The following ZCCHC24 variants were observed in gnomAD, a reference collection of about 807,000 sequenced individuals.
ZCCHC24 encodes the protein zinc finger CCHC-type containing 24, also known as zinc finger CCHC domain-containing protein 24.
Under a neutral mutation model 26.2 loss-of-function variants are expected in ZCCHC24, and 10 were observed. The observed-to-expected ratio is 0.38, with a 90% CI of 0.24 to 0.65. ZCCHC24 has a LOEUF of 0.65. Ranked by LOEUF, ZCCHC24 falls within the 30% of genes least tolerant of loss-of-function variation. The probability of loss-of-function intolerance (pLI) is 0.54; values close to 1 mark genes in which losing one functional copy is unlikely to be tolerated. For missense variants in ZCCHC24, 243 were observed against 329.1 expected (o/e 0.74, Z 2.03); for synonymous variants, 144 against 147.1 (o/e 0.98, Z 0.15).
chr10:79,427,836 A>G (rs897304894), intron 2 of ZCCHC24, among the ~76,000 whole-genome samples: 1 of 152,174 alleles, frequency 6.6e-6, no homozygotes, highest in Non-Finnish European at 1.5e-5. Context: ...TTATGATCAC[A>G]GCACCGCACT....
chr10:79,383,093 AG>A lies in ZCCHC24; in HGVS notation c.*3251del, dbSNP rs1343467557. ...GTTATCCTCAGTGGAAGAGGCACAA[AG>A]GGGTCACCATTCCCTTTTTCACTAT... is the stretch of plus-strand genomic sequence containing the variant. On this transcript the variant is annotated 3_prime_UTR_variant, in exon 4 of 4. Coordinates refer to ENST00000372336, the MANE Select transcript of ZCCHC24 (RefSeq NM_153367.4). The A allele has an allele frequency of 6.5e-6, 1 of 152,794 alleles. No homozygotes were observed. Among genetic ancestry groups the A allele is most frequent in the Non-Finnish European group, 1.5e-5 (1 of 68,050 alleles). The allele number at this position is 152,794 out of a possible 1,614,324, so 9.5% of individuals were successfully genotyped here.
chr10:79,439,939 C>A (rs1284414060), intron 1 of ZCCHC24, among the ~76,000 whole-genome samples: 1 of 152,062 alleles, frequency 6.6e-6, no homozygotes, highest in Admixed American at 6.5e-5. Flanking sequence ...ATAAAGAAGC[C>A]AGTTGGAATG....
At chr10:79,428,201 A>G (rs1218688779) in intron 2 of ZCCHC24, among the ~76,000 whole-genome samples, 1 of 152,260 alleles carries the variant, frequency 6.6e-6, no homozygotes, top group Non-Finnish European at 1.5e-5. Context: ...AAAGGAATGA[A>G]ATGGATACAT....
intron 1 of ZCCHC24, among the ~76,000 whole-genome samples, chr10:79,435,453 G>C (rs892235431): frequency 6.6e-6 from 1 of 152,128 alleles, no homozygotes; most frequent in Non-Finnish European, 1.5e-5. Context: ...TTGGCAGCTC[G>C]ACACCCCACC....
intron 1 of ZCCHC24, chr10:79,444,346 T>C: frequency 8.0e-7 from 1 of 1,254,990 alleles, no homozygotes; most frequent in Non-Finnish European, 1.0e-6. Flanking sequence ...TGGCGATCTG[T>C]GTATTTATCT....
At chr10:79,387,039 C>A (rs1217261500) in intron 3 of ZCCHC24, among the ~76,000 whole-genome samples, 1 of 152,192 alleles carries the variant, frequency 6.6e-6, no homozygotes, top group Non-Finnish European at 1.5e-5. Context: ...TCAAGGGAAG[C>A]CTAACCCGGA....
chr10:79,405,427 G>T (rs1031396541), intron 2 of ZCCHC24, among the ~76,000 whole-genome samples: 1 of 152,234 alleles, frequency 6.6e-6, no homozygotes, highest in Non-Finnish European at 1.5e-5. Flanking sequence ...GAGGTGGACA[G>T]CAGAAGTTAG....
chr10:79,432,787 A>G (rs757767425), intron 1 of ZCCHC24, 29 bp from the exon 2 acceptor site: 54 of 1,601,702 alleles, frequency 3.4e-5, no homozygotes, highest in Non-Finnish European at 4.4e-5. Flanking sequence ...CATATACTAC[A>G]GCCTCTGCCT....
intron 2 of ZCCHC24, among the ~76,000 whole-genome samples, chr10:79,428,391 T>TATTTCAGTTTTGCAAGATAGATAA (rs1857064225): frequency 2.8e-5 from 3 of 107,044 alleles, no homozygotes; most frequent in Non-Finnish European, 6.1e-5. Context: ...ATGGGTACAG[T>TATTTCAGTTTTGCAAGATAGATAA]ATTTCAGTTT....
chr10:79,426,323 A>G (rs1857027358), intron 2 of ZCCHC24, among the ~76,000 whole-genome samples: 1 of 152,248 alleles, frequency 6.6e-6, no homozygotes, highest in Non-Finnish European at 1.5e-5. Context: ...CAGTTAGACC[A>G]TTAAAGGTTT....
intron 2 of ZCCHC24, 107 bp from the exon 3 acceptor site, chr10:79,394,547 G>A: frequency 2.7e-6 from 4 of 1,500,328 alleles, no homozygotes; most frequent in East Asian, 4.6e-5. Flanking sequence ...GTGTCCATGT[G>A]TGCAGGCACC....
At chr10:79,402,029 AACT>A (rs1370830267) in intron 2 of ZCCHC24, among the ~76,000 whole-genome samples, 1 of 152,218 alleles carries the variant, frequency 6.6e-6, no homozygotes, top group East Asian at 1.9e-4. Context: ...GGGGTGGGGC[AACT>A]AGTCCACAGA....
chr10:79,404,035 AGAG>A (rs1187940224), intron 2 of ZCCHC24, among the ~76,000 whole-genome samples: 1 of 152,034 alleles, frequency 6.6e-6, no homozygotes, highest in Non-Finnish European at 1.5e-5. Flanking sequence ...AGAGCAGATA[AGAG>A]GAGAAGGGGG....
intron 3 of ZCCHC24, among the ~76,000 whole-genome samples, chr10:79,387,722 G>A (rs1332665216): frequency 6.6e-5 from 10 of 152,158 alleles, no homozygotes; most frequent in Admixed American, 1.3e-4. Context: ...GCTGTGAATG[G>A]CTCAAAAGTA....
At chr10:79,414,271 A>T (rs1856833105) in intron 2 of ZCCHC24, among the ~76,000 whole-genome samples, 1 of 152,274 alleles carries the variant, frequency 6.6e-6, no homozygotes, top group African/African-American at 2.4e-5. Flanking sequence ...TGGAGTCTCT[A>T]GAATTTGGGA....
intron 2 of ZCCHC24, among the ~76,000 whole-genome samples, chr10:79,411,654 G>A (rs998010476): frequency 6.6e-6 from 1 of 152,166 alleles, no homozygotes; most frequent in African/African-American, 2.4e-5. Context: ...TCCAGAGGAG[G>A]AGGCCAAGGC....
intron 3 of ZCCHC24, among the ~76,000 whole-genome samples, chr10:79,388,421 C>T (rs1564631024): frequency 6.6e-6 from 1 of 152,188 alleles, no homozygotes; most frequent in Non-Finnish European, 1.5e-5. Context: ...TGGAGAGCTG[C>T]CTGCTGGCAG....
chr10:79,430,950 T>A (rs780760317), intron 2 of ZCCHC24, among the ~76,000 whole-genome samples: 2 of 152,096 alleles, frequency 1.3e-5, no homozygotes, highest in African/African-American at 4.8e-5. Context: ...CCTGTGTGAG[T>A]CCCTTCCTCC....
intron 2 of ZCCHC24, among the ~76,000 whole-genome samples, chr10:79,397,822 T>C (rs1157731910): frequency 6.6e-6 from 1 of 152,110 alleles, no homozygotes; most frequent in African/African-American, 2.4e-5. Flanking sequence ...GGTCAAGTCA[T>C]TCCAGGACAC....
Sources: gnomAD v4.1 joint callset for allele counts (sites outside exome capture counted in the v4.1 genomes callset) on GRCh38, gnomAD v4.1.1 for gene constraint, MANE v1.5 for transcripts, NCBI Gene and HGNC (gene_info 2026-07-23, HGNC 2026-07-21) for gene names.